The following RIMKLB variants were observed in gnomAD, a reference collection of about 807,000 sequenced individuals.
RIMKLB encodes the protein ribosomal modification protein rimK like family member B.
RIMKLB carries 7 observed loss-of-function variants against 32.0 expected under a neutral mutation model. That is an observed-to-expected ratio of 0.22 (90% CI 0.12 to 0.41). The LOEUF is 0.41. Among genes scored for constraint, RIMKLB ranks in the 10% least tolerant of loss-of-function variants. The probability of loss-of-function intolerance (pLI) is 1.00; values close to 1 mark genes in which losing one functional copy is unlikely to be tolerated. For missense variants in RIMKLB, 289 were observed against 498.7 expected (o/e 0.58, Z 4.00); for synonymous variants, 172 against 185.1 (o/e 0.93, Z 0.57).
chr12:8,771,874 T>A (rs370184431), intron 5 of RIMKLB, among the ~76,000 whole-genome samples: 6 of 152,106 alleles, frequency 3.9e-5, no homozygotes, highest in African/African-American at 1.2e-4. Flanking sequence ...TCCAGTTTTG[T>A]TTTTGTTTTG....
downstream of RIMKLB, chr12:8,777,442 G>A (rs1217942009): frequency 9.2e-7 from 1 of 1,084,224 alleles, no homozygotes; most frequent in African/African-American, 1.7e-5. Flanking sequence ...ATTTTGCCAT[G>A]CTGTTTTGGG....
At position 8,772,082 on chromosome 12, in the gene RIMKLB, T is replaced by G. The variant is rs191809563; in HGVS notation, c.698-1239T>G. On this transcript the variant is annotated intron_variant, in intron 5 of 5. Transcript: ENST00000535829. ...TTTTGTATTTTTAGTAGAAACGAGG[T>G]TTCACCATGTTGGCCAGGCTGGTCT... Among the ~76,000 whole-genome samples the G allele has an allele frequency of 3.5e-3, 540 of 152,202 alleles. 1 individual carries two copies. Among genetic ancestry groups the G allele is most frequent in the Non-Finnish European group, 5.6e-3 (383 of 67,994 alleles).
At chr12:8,724,191 A>G (rs893445883) in intron 2 of RIMKLB, among the ~76,000 whole-genome samples, 1 of 152,070 alleles carries the variant, frequency 6.6e-6, no homozygotes, top group Non-Finnish European at 1.5e-5. Flanking sequence ...TCAGTTTTCA[A>G]GTTCGCTCCC....
Position 8,739,200 on chromosome 12 carries a change from G to A in RIMKLB, c.176-10662G>A, listed in dbSNP as rs12425330. Among the ~76,000 whole-genome samples the A allele has an allele frequency of 5.4e-3, 815 of 152,224 alleles. 40 individuals carry two copies. The highest frequency in any genetic ancestry group is 0.047 in the Admixed American group (711 of 15,290). ...CAGTGTTCTGGAGGCTGGTAAGTTC[G>A]ATATCAAGGTACTGGCAGATTTGTT... On this transcript the variant is annotated intron_variant, in intron 2 of 5. Transcript: ENST00000535829.
At chr12:8,696,318 A>G (rs1942888671), upstream of RIMKLB, among the ~76,000 whole-genome samples, 1 of 152,166 alleles carries the variant, frequency 6.6e-6, no homozygotes, top group Non-Finnish European at 1.5e-5. Flanking sequence ...ATCAGAGTGG[A>G]AGTAAATAGC....
At chr12:8,759,720 G>C (rs1398314715) in intron 5 of RIMKLB, among the ~76,000 whole-genome samples, 1 of 152,094 alleles carries the variant, frequency 6.6e-6, no homozygotes, top group African/African-American at 2.4e-5. Flanking sequence ...ACAATTTCCA[G>C]ATTCTCCCCA....
chr12:8,707,458 G>A (rs1473991664), intron 1 of RIMKLB, among the ~76,000 whole-genome samples: 1 of 152,210 alleles, frequency 6.6e-6, no homozygotes, highest in Non-Finnish European at 1.5e-5. Context: ...TCCTGGGTGC[G>A]TCACCCTCCA....
chr12:8,762,372 G>A (rs769740863), intron 5 of RIMKLB, among the ~76,000 whole-genome samples: 4 of 152,206 alleles, frequency 2.6e-5, no homozygotes, highest in South Asian at 4.2e-4. Context: ...TTGGTTTCCC[G>A]GAGGGGATTA....
chr12:8,753,053 G>A (rs1451719483), intron 4 of RIMKLB, among the ~76,000 whole-genome samples: 1 of 152,098 alleles, frequency 6.6e-6, no homozygotes, highest in Non-Finnish European at 1.5e-5. Flanking sequence ...GCCTAAGGTA[G>A]GATTTTAAGG....
chr12:8,715,691 T>C (rs1944768728), intron 2 of RIMKLB, among the ~76,000 whole-genome samples: 2 of 152,194 alleles, frequency 1.3e-5, no homozygotes, highest in Non-Finnish European at 2.9e-5. Context: ...TAAGTATTAT[T>C]TGAGCATTTA....
intron 3 of RIMKLB, among the ~76,000 whole-genome samples, chr12:8,751,610 A>G (rs1481998065): frequency 6.6e-6 from 1 of 152,198 alleles, no homozygotes; most frequent in African/African-American, 2.4e-5. Flanking sequence ...CCTTAATCCA[A>G]GCAGGGAATT....
chr12:8,684,616 G>T (rs1049236444), intron 1 of RIMKLB, among the ~76,000 whole-genome samples: 1 of 150,426 alleles, frequency 6.6e-6, no homozygotes, highest in African/African-American at 2.5e-5. Flanking sequence ...TCATGTAAAT[G>T]TCCAGTTGTT....
At chr12:8,675,799 T>C in the RIMKLB span, among the ~76,000 whole-genome samples, 2 of 151,154 alleles carry the variant, frequency 1.3e-5, no homozygotes, top group African/African-American at 2.4e-5. Context: ...GTTTTTCTTT[T>C]TTTTTTTTTT....
chr12:8,722,589 A>C (rs1456230894), intron 2 of RIMKLB, among the ~76,000 whole-genome samples: 1 of 152,216 alleles, frequency 6.6e-6, no homozygotes, highest in Non-Finnish European at 1.5e-5. Context: ...TAACAAAAGA[A>C]TTAGCCTCTC....
At chr12:8,694,396 C>CT (rs34896689), upstream of RIMKLB, among the ~76,000 whole-genome samples, 128 of 122,448 alleles carry the variant, frequency 1.0e-3, no homozygotes, top group African/African-American at 2.1e-3. Context: ...AATTTTTTTT[C>CT]TTTTTTTTTT....
At chr12:8,728,297 A>G (rs1263546917) in intron 2 of RIMKLB, among the ~76,000 whole-genome samples, 1 of 152,088 alleles carries the variant, frequency 6.6e-6, no homozygotes. Flanking sequence ...GATAACTTGT[A>G]TTTTTTGGTT....
At chr12:8,725,704 T>C (rs1377877806) in intron 2 of RIMKLB, among the ~76,000 whole-genome samples, 2 of 152,246 alleles carry the variant, frequency 1.3e-5, no homozygotes, top group Non-Finnish European at 2.9e-5. Flanking sequence ...GGTTTAACCA[T>C]CTATGTTCAG....
At chr12:8,719,526 G>A (rs1392583197) in intron 2 of RIMKLB, among the ~76,000 whole-genome samples, 1 of 151,960 alleles carries the variant, frequency 6.6e-6, no homozygotes, top group African/African-American at 2.4e-5. Context: ...CCACCATTAC[G>A]CCCAGCTGAT....
chr12:8,733,896 ATT>A (rs1287051652), intron 2 of RIMKLB, among the ~76,000 whole-genome samples: 1 of 152,026 alleles, frequency 6.6e-6, no homozygotes, highest in African/African-American at 2.4e-5. Flanking sequence ...ATGATAGGTG[ATT>A]GTTAGATTGA....
Sources: allele counts gnomAD v4.1 joint callset (sites outside exome capture counted in the v4.1 genomes callset), GRCh38; gene constraint gnomAD v4.1.1; transcripts MANE v1.5; gene names NCBI Gene and HGNC (gene_info 2026-07-23, HGNC 2026-07-21).